Variants in IL16 observed in about 807,000 individuals in gnomAD.
IL16 encodes the protein pro-interleukin-16.
A neutral mutation model predicts 110.1 loss-of-function variants in IL16; 67 were observed. That is an observed-to-expected ratio of 0.61 (90% CI 0.50 to 0.75). The LOEUF (loss-of-function observed/expected upper bound fraction) is 0.75. IL16 is among the 30% of genes least tolerant of loss of function. The probability of loss-of-function intolerance (pLI) is 0.00; values close to 1 mark genes in which losing one functional copy is unlikely to be tolerated. For synonymous variants in IL16, 689 were observed against 662.9 expected (o/e 1.04, Z -0.61); for missense variants, 1,545 against 1,655.0 (o/e 0.93, Z 1.15).
chr15:81,283,776 C>T (rs1406740171), intron 9 of IL16, among the ~76,000 whole-genome samples: 3 of 152,096 alleles, frequency 2.0e-5, no homozygotes, highest in Admixed American at 1.3e-4. Context: ...GAGGCTGAGG[C>T]GAGTGAATGG....
chr15:81,305,982 C>T lies in IL16; in HGVS notation c.3495C>T (p.Ile1165=). 1 of 1,614,230 alleles carries T rather than the reference C, an allele frequency of 6.2e-7. No individual in the cohort carries two copies. The highest frequency in any genetic ancestry group is 8.5e-7 in the Non-Finnish European group (1 of 1,180,042). The part of the protein sequence containing the change: ...TIQKGNEVLS[I]NGKSLKGTTH... ...AGAAGGGCAATGAGGTTCTTTCCAT[C>T]AACGGCAAGTCTCTCAAGGGGACCA... Residue 1165 remains isoleucine (I), a synonymous_variant, in exon 17 of 19, where the codon ATC becomes ATT. Transcript: ENST00000683961.
At position 81,224,676 on chromosome 15, in the gene IL16, G is replaced by A. The variant is rs1896729178; in HGVS notation, c.-101-623G>A. 2.6e-5 allele frequency among the ~76,000 whole-genome samples: 4 copies of A among 152,316 alleles called. No homozygotes were observed. In the South Asian group the frequency reaches 8.3e-4, roughly 32 times the overall value. On this transcript the variant is annotated intron_variant, in intron 1 of 18. Coordinates refer to ENST00000683961, the MANE Select transcript of IL16 (RefSeq NM_172217.5). The stretch of plus-strand genomic sequence containing the variant: ...TTTATGCTCACATCAACTCTGGCAG[G>A]TCAGTGTTAGGTAAGACTTCCAACC...
rs200882405 is a variant in IL16, at chr15:81,300,515, T to C, written c.3149+40T>C. On this transcript the variant is annotated intron_variant, in intron 14 of 18. Transcript: ENST00000683961. ...CCGGTGTTTCTCTTTACCTTTCTCATCTTTTTCTTTCTCATCTTTATTTTT... is the reference window on the plus strand; with the variant it reads ...CCGGTGTTTCTCTTTACCTTTCTCACCTTTTTCTTTCTCATCTTTATTTTT... 3 of 1,280,142 alleles carry C rather than the reference T, an allele frequency of 2.3e-6. No homozygotes were observed. The East Asian group carries it at 7.0e-5, about 30-fold the overall frequency. The allele number at this position is 1,280,142 out of a possible 1,614,324, so 79.3% of individuals were successfully genotyped here.
chr15:81,215,020 T>A (rs755116792), intron 1 of IL16, among the ~76,000 whole-genome samples: 1 of 152,200 alleles, frequency 6.6e-6, no homozygotes, highest in Non-Finnish European at 1.5e-5. Flanking sequence ...TTTCAGCTCT[T>A]GTAACATTTT....
In IL16 at chr15:81,282,708, T is replaced by C; in HGVS notation, c.1151T>C (p.Val384Ala). 6.2e-7 allele frequency: 1 copy of C among 1,614,204 alleles called. No individual in the cohort carries two copies. The highest frequency in any genetic ancestry group is 8.5e-7 in the Non-Finnish European group (1 of 1,180,046). Residue 384 changes from valine to alanine, a missense_variant, in exon 9 of 19, where the codon GTC (valine) becomes GCC (alanine). Transcript: ENST00000683961. ...TTCCAATGCATCTCTGGCATTTTCG[T>C]CCACACGCTGTCACCAGGATCCGTG... ...PYFQCISGIFVHTLSPGSVAH... is the reference protein window; with the variant it reads ...PYFQCISGIFAHTLSPGSVAH...
At chr15:81,242,224 C>G (rs919376659) in intron 2 of IL16, among the ~76,000 whole-genome samples, 2 of 152,110 alleles carry the variant, frequency 1.3e-5, no homozygotes, top group African/African-American at 4.8e-5. Flanking sequence ...AATGTAATCC[C>G]TTTGCATTTA....
intron 4 of IL16, 131 bp downstream of exon 4, chr15:81,265,932 CG>C: frequency 2.5e-6 from 2 of 799,294 alleles, no homozygotes; most frequent in Non-Finnish European, 3.9e-6. Flanking sequence ...GAGAGGGTCT[CG>C]CTTAGTAGCT....
At chr15:81,282,072 C>G (rs1422858217) in intron 8 of IL16, among the ~76,000 whole-genome samples, 3 of 152,256 alleles carry the variant, frequency 2.0e-5, no homozygotes, top group Non-Finnish European at 4.4e-5. Context: ...CACAGCCCCA[C>G]TGAATCTGCG....
rs745638878 is a variant in IL16, at chr15:81,299,799, C to T, written c.2473C>T (p.His825Tyr). 6.2e-7 allele frequency: 1 copy of T among 1,614,014 alleles called. No individual in the cohort carries two copies. Among genetic ancestry groups the T allele is most frequent in the South Asian group, 1.1e-5 (1 of 91,080 alleles). Reference sequence around the variant, plus strand: ...CCAGCCAGCACCTGCTTCCAGGGAGCACCTAGGATCACACATCCGGGCCTC... The same window carrying T: ...CCAGCCAGCACCTGCTTCCAGGGAGTACCTAGGATCACACATCCGGGCCTC... ...STQPAPASRE[H>Y]LGSHIRASSS... Residue 825 changes from histidine to tyrosine, a missense_variant, in exon 14 of 19, where the codon CAC becomes TAC. His to Tyr is a moderately conservative substitution (Grantham distance 83). This residue lies in a region of IL16 where 1,185 missense variants were observed against 1,238.8 expected (regional missense o/e 0.96). Coordinates refer to ENST00000683961, the MANE Select transcript of IL16 (RefSeq NM_172217.5).
chr15:81,308,847 T>A lies in IL16; in HGVS notation c.*49T>A. ...CAATAACACACAGCTAACACACAGC[T>A]CCCATAACCGCTGATTCTCAGGGTC... is the stretch of plus-strand genomic sequence containing the variant. On this transcript the variant is annotated 3_prime_UTR_variant, in exon 19 of 19. Transcript: ENST00000683961. 6.8e-7 allele frequency: 1 copy of A among 1,480,912 alleles called. No homozygotes were observed. The highest frequency in any genetic ancestry group is 9.2e-7 in the Non-Finnish European group (1 of 1,085,656). The allele number at this position is 1,480,912 out of a possible 1,614,324, so 91.7% of individuals were successfully genotyped here. A position where few individuals can be genotyped will look rare whatever the true frequency, so the allele number is the denominator to read the frequency against.
At chr15:81,246,784 T>C in intron 2 of IL16, among the ~76,000 whole-genome samples, 1 of 152,188 alleles carries the variant, frequency 6.6e-6, no homozygotes, top group East Asian at 1.9e-4. Context: ...TCTTCAATGA[T>C]TTATAGAACT....
Position 81,299,731 on chromosome 15 carries a change from G to C in IL16, c.2405G>C (p.Arg802Pro). The stretch of plus-strand genomic sequence containing the variant: ...CAAAGCTTGAAAGGTTTGAGGAATC[G>C]TGCTTCAGACCCAAGAGGGCTCCCT... The part of the protein sequence containing the change: ...FRQSLKGLRN[R>P]ASDPRGLPDP... Residue 802 changes from arginine to proline, a missense_variant, in exon 14 of 19, where the codon CGT becomes CCT. Transcript: ENST00000683961. The C allele has an allele frequency of 6.2e-7, 1 of 1,614,188 alleles. No homozygotes were observed.
chr15:81,214,163 G>C (rs868450497), intron 1 of IL16, among the ~76,000 whole-genome samples: 14 of 152,248 alleles, frequency 9.2e-5, no homozygotes, highest in African/African-American at 3.4e-4. Flanking sequence ...GCCTGAGAAG[G>C]ATTTTAGCTT....
intron 1 of IL16, among the ~76,000 whole-genome samples, chr15:81,208,194 T>C (rs1346329299): frequency 6.6e-6 from 1 of 152,232 alleles, no homozygotes; most frequent in East Asian, 1.9e-4. Flanking sequence ...TGTCTGTTCA[T>C]GTCCTTTGCC....
chr15:81,188,482 A>C, intron 1 of IL16: 1 of 454,316 alleles, frequency 2.2e-6, no homozygotes, highest in Admixed American at 2.3e-5. Flanking sequence ...TTTACAGATG[A>C]GGAAGCTGAT....
At chr15:81,204,439 G>GT (rs1404119887) in intron 1 of IL16, among the ~76,000 whole-genome samples, 1 of 152,048 alleles carries the variant, frequency 6.6e-6, no homozygotes, top group African/African-American at 2.4e-5. Flanking sequence ...TGCCCATTCA[G>GT]TATGATATTG....
At chr15:81,272,571 C>T (rs1476275308) in intron 5 of IL16, among the ~76,000 whole-genome samples, 1 of 152,132 alleles carries the variant, frequency 6.6e-6, no homozygotes, top group Non-Finnish European at 1.5e-5. Flanking sequence ...GGAGGGATGT[C>T]CTTGAGAAGG....
Position 81,303,546 on chromosome 15 carries a change from C to A in IL16, c.3319-3C>A. 1 of 1,599,634 alleles carries A rather than the reference C, an allele frequency of 6.3e-7. No individual in the cohort carries two copies. Among genetic ancestry groups the A allele is most frequent in the Non-Finnish European group, 8.6e-7 (1 of 1,166,886 alleles). ...TTTTTGAATGTATGTATTTCCTCTGCAGCAATTAGACGGCATCCATGTCAC... is the reference window on the plus strand; with the variant it reads ...TTTTTGAATGTATGTATTTCCTCTGAAGCAATTAGACGGCATCCATGTCAC... On this transcript the variant is annotated splice_region_variant and splice_polypyrimidine_tract_variant and intron_variant, in intron 15 of 18. Coordinates refer to ENST00000683961, the MANE Select transcript of IL16 (RefSeq NM_172217.5). This position sits in a 1 kb window ranked among gnomAD's most constrained non-coding sequence, Gnocchi z 4.1.
chr15:81,306,325 C>T (rs919628841), intron 17 of IL16, 95 bp from the exon 18 acceptor site: 31 of 1,559,150 alleles, frequency 2.0e-5, no homozygotes, highest in Non-Finnish European at 2.4e-5. Flanking sequence ...TGTGCAAACA[C>T]GGGGGCTGTA....
Sources: gnomAD v4.1 joint callset for allele counts (sites outside exome capture counted in the v4.1 genomes callset) on GRCh38, gnomAD v4.1.1 for gene constraint, gnomAD v4.1.1 regional missense constraint, Gnocchi (gnomAD v3.1) non-coding constraint, MANE v1.5 for transcripts, NCBI Gene and HGNC (gene_info 2026-07-23, HGNC 2026-07-21) for gene names.